Variants in SCMH1 observed in about 807,000 individuals in gnomAD.
The protein encoded by SCMH1 is polycomb protein SCMH1.
A neutral mutation model predicts 70.8 loss-of-function variants in SCMH1; 37 were observed. That is an observed-to-expected ratio of 0.52 (90% CI 0.40 to 0.69). The LOEUF (loss-of-function observed/expected upper bound fraction) is 0.69. SCMH1 is among the 30% of genes least tolerant of loss of function. SCMH1 has a pLI of 0.00. For synonymous variants in SCMH1, 292 were observed against 307.4 expected, an observed-to-expected ratio of 0.95 and a Z score of 0.52; for missense variants, 607 against 827.3, an observed-to-expected ratio of 0.73 and a Z score of 3.27.
intron 12 of SCMH1, among the ~76,000 whole-genome samples, chr1:41,039,335 C>T (rs936923425): frequency 1.1e-4 from 16 of 152,182 alleles, no homozygotes; most frequent in Admixed American, 3.3e-4. Flanking sequence ...AAAATCTGGA[C>T]TGATGGCAAG....
At chr1:41,178,541 T>C (rs1313860338) in intron 2 of SCMH1, among the ~76,000 whole-genome samples, 1 of 152,072 alleles carries the variant, frequency 6.6e-6, no homozygotes, top group Non-Finnish European at 1.5e-5. Context: ...TGGAGGAAGA[T>C]CTACTGAGCA....
At chr1:41,134,902 A>T (rs1488480191) in intron 6 of SCMH1, among the ~76,000 whole-genome samples, 3 of 150,416 alleles carry the variant, frequency 2.0e-5, no homozygotes, top group African/African-American at 7.3e-5. Flanking sequence ...CTGGTTTATT[A>T]TTTTTTTTTG....
chr1:41,155,510 AC>A (rs1428185584), intron 4 of SCMH1, among the ~76,000 whole-genome samples: 1 of 151,924 alleles, frequency 6.6e-6, no homozygotes, highest in African/African-American at 2.4e-5. Flanking sequence ...TGGAGCAAAA[AC>A]AAACAAACAA....
intron 12 of SCMH1, chr1:41,041,470 GATGGACAGTATC>G (rs1229077094): frequency 1.1e-4 from 17 of 152,174 alleles, no homozygotes; most frequent in African/African-American, 3.9e-4. Context: ...AGGATATTAA[GATGGACAGTATC>G]AGGTGCATCT....
intron 10 of SCMH1, among the ~76,000 whole-genome samples, chr1:41,057,879 G>C (rs931025559): frequency 6.6e-6 from 1 of 152,072 alleles, no homozygotes; most frequent in African/African-American, 2.4e-5. Context: ...AGCACTTTGT[G>C]GGGGGTCAAG....
At chr1:41,066,788 T>C (rs1212157090) in intron 10 of SCMH1, among the ~76,000 whole-genome samples, 1 of 151,992 alleles carries the variant, frequency 6.6e-6, no homozygotes, top group Non-Finnish European at 1.5e-5. Context: ...AGGGGTCTCA[T>C]GATGTTGCCC....
chr1:41,103,692 T>C (rs982974021), intron 8 of SCMH1, among the ~76,000 whole-genome samples: 3 of 152,200 alleles, frequency 2.0e-5, no homozygotes, highest in African/African-American at 7.2e-5. Flanking sequence ...GCTTGAGAGA[T>C]GCCAATTGTT....
intron 1 of SCMH1, among the ~76,000 whole-genome samples, chr1:41,195,131 C>CAA (rs35569635): frequency 0.01 from 273 of 26,228 alleles, 35 homozygotes; most frequent in Non-Finnish European, 0.012. Context: ...AACTCTCTCT[C>CAA]AAAAAAAAAA....
At chr1:41,083,021 C>T (rs1483874681) in intron 8 of SCMH1, among the ~76,000 whole-genome samples, 1 of 152,156 alleles carries the variant, frequency 6.6e-6, no homozygotes, top group Non-Finnish European at 1.5e-5. Context: ...CAATATCATA[C>T]TGAATGGGCC....
intron 2 of SCMH1, among the ~76,000 whole-genome samples, chr1:41,176,568 C>CT (rs1365722783): frequency 1.1e-4 from 16 of 152,324 alleles, no homozygotes; most frequent in African/African-American, 3.8e-4. Flanking sequence ...TGCGCTTTTC[C>CT]AATGGTCTTA....
At chr1:41,200,291 C>T (rs190937645) in intron 1 of SCMH1, among the ~76,000 whole-genome samples, 230 of 152,058 alleles carry the variant, frequency 1.5e-3, no homozygotes, top group Middle Eastern at 3.4e-3. Context: ...TCCTGGTTAA[C>T]ATGGTGAAAC....
intron 6 of SCMH1, among the ~76,000 whole-genome samples, chr1:41,137,283 T>C (rs1405558344): frequency 1.3e-5 from 2 of 152,252 alleles, no homozygotes. Context: ...ACTGCTTTAA[T>C]TATATCTCAA....
intron 8 of SCMH1, among the ~76,000 whole-genome samples, chr1:41,105,046 C>T (rs1667551023): frequency 6.6e-6 from 1 of 152,068 alleles, no homozygotes; most frequent in East Asian, 1.9e-4. Flanking sequence ...ACCTCTGCCT[C>T]CTGGGTTCAA....
At chr1:41,033,945 C>T (rs201172228) in intron 13 of SCMH1, 38 bp downstream of exon 14, 7 of 1,613,448 alleles carry the variant, frequency 4.3e-6, no homozygotes, top group Middle Eastern at 3.3e-4. Flanking sequence ...GAAACAGGGC[C>T]TTGGGGAAGA....
At chr1:41,123,652 A>G (rs1672482527) in intron 6 of SCMH1, among the ~76,000 whole-genome samples, 1 of 152,236 alleles carries the variant, frequency 6.6e-6, no homozygotes, top group Non-Finnish European at 1.5e-5. Flanking sequence ...AGCCCTCTTT[A>G]GAAGAAACAA....
chr1:41,050,024 C>CCA (rs1345913898), intron 10 of SCMH1, among the ~76,000 whole-genome samples: 2 of 151,842 alleles, frequency 1.3e-5, no homozygotes, highest in African/African-American at 4.8e-5. Context: ...CCACTGCACT[C>CCA]CAGCCTGGAT....
At chr1:41,070,416 A>G (rs928098735) in intron 10 of SCMH1, among the ~76,000 whole-genome samples, 179 bp downstream of exon 10, 29 of 152,352 alleles carry the variant, frequency 1.9e-4, no homozygotes, top group Admixed American at 1.2e-3. Context: ...CTGAGTTCAC[A>G]GAAAATTTAC....
At chr1:41,149,911 T>C (rs1644911865) in intron 5 of SCMH1, among the ~76,000 whole-genome samples, 1 of 152,186 alleles carries the variant, frequency 6.6e-6, no homozygotes. Flanking sequence ...ATTTATAAAA[T>C]GGTAGTCTTT....
chr1:41,140,650 A>C (rs1643971735), intron 6 of SCMH1, among the ~76,000 whole-genome samples: 1 of 152,178 alleles, frequency 6.6e-6, no homozygotes, highest in Non-Finnish European at 1.5e-5. Flanking sequence ...AGAAAGGGTG[A>C]CCAACCTAGT....
Sources: gnomAD v4.1 joint callset for allele counts (sites outside exome capture counted in the v4.1 genomes callset) on GRCh38, gnomAD v4.1.1 for gene constraint, MANE v1.5 for transcripts, NCBI Gene and HGNC (gene_info 2026-07-23, HGNC 2026-07-21) for gene names.